The following GNA14 variants were observed in gnomAD, a reference collection of about 807,000 sequenced individuals.
The protein encoded by GNA14 is guanine nucleotide-binding protein subunit alpha-14.
A neutral mutation model predicts 42.0 loss-of-function variants in GNA14; 50 were observed. The observed-to-expected ratio is 1.19, with a 90% CI of 0.95 to 1.51. The LOEUF is 1.51. GNA14 is among the 40% of genes most tolerant of loss of function. The pLI, the probability that GNA14 is intolerant of heterozygous loss-of-function variation, is 0.00. For missense variants in GNA14, 473 were observed against 446.2 expected, an observed-to-expected ratio of 1.06 and a Z score of -0.54; for synonymous variants, 173 against 163.1, an observed-to-expected ratio of 1.06 and a Z score of -0.46.
chr9:77,426,060 C>G lies in GNA14; in HGVS notation c.724-345G>C, dbSNP rs541950411. Among the ~76,000 whole-genome samples the G allele has an allele frequency of 6.6e-5, 10 of 152,306 alleles. No individual in the cohort carries two copies. In the East Asian group the frequency reaches 1.9e-3, roughly 29 times the overall value. ...TCACAAGTTTCCTGTGTCATGTGAT[C>G]GTTGGGATTACTAAGTGGGGAAGTG... On this transcript the variant is annotated intron_variant, in intron 5 of 6. Coordinates refer to ENST00000341700, the MANE Select transcript of GNA14 (RefSeq NM_004297.4).
At chr9:77,623,984 A>G (rs1008344448) in intron 1 of GNA14, among the ~76,000 whole-genome samples, 1 of 152,114 alleles carries the variant, frequency 6.6e-6, no homozygotes, top group African/African-American at 2.4e-5. Flanking sequence ...AGAGGATCCC[A>G]CCCTCATGGG....
chr9:77,446,986 C>T (rs537067378), intron 2 of GNA14, among the ~76,000 whole-genome samples: 7 of 149,140 alleles, frequency 4.7e-5, no homozygotes, highest in South Asian at 2.1e-4. Flanking sequence ...TTTTTTGAGA[C>T]GGAGTTTCAT....
In GNA14 at chr9:77,535,976, G is replaced by A. The variant is rs138013151; in HGVS notation, c.125-6723C>T. ...CTGGAGCTCTGTTTTTCAATTTCCG[G>A]GGGAAAACATTTTTAAAGTGCCGAT... On this transcript the variant is annotated intron_variant, in intron 1 of 6. Coordinates refer to ENST00000341700, the MANE Select transcript of GNA14 (RefSeq NM_004297.4). 7.0e-3 allele frequency among the ~76,000 whole-genome samples: 1,058 copies of A among 151,800 alleles called. 20 individuals carry two copies. The highest frequency in any genetic ancestry group is 0.024 in the African/African-American group (998 of 41,382).
chr9:77,431,023 TTTGTGTGTGTG>T (rs547404743), intron 4 of GNA14, among the ~76,000 whole-genome samples: 4,293 of 111,578 alleles, frequency 0.038, 76 homozygotes, highest in Middle Eastern at 0.059. Context: ...GAAGTATACA[TTTGTGTGTGTG>T]TGTGTGTGTG....
intron 1 of GNA14, among the ~76,000 whole-genome samples, chr9:77,570,144 G>A (rs916962348): frequency 2.0e-5 from 3 of 152,112 alleles, no homozygotes; most frequent in East Asian, 1.9e-4. Context: ...TTTGTTGGAG[G>A]AAGTTAACTT....
intron 4 of GNA14, among the ~76,000 whole-genome samples, chr9:77,431,024 T>TGTGTG (rs1554686110): frequency 0.032 from 3,263 of 101,470 alleles, 85 homozygotes; most frequent in African/African-American, 0.092. Context: ...AAGTATACAT[T>TGTGTG]TGTGTGTGTG....
chr9:77,493,003 G>A (rs199586980), intron 2 of GNA14, among the ~76,000 whole-genome samples: 8,466 of 39,920 alleles, frequency 0.21, 1,259 homozygotes, highest in East Asian at 0.51. Flanking sequence ...TCCGTCTCAG[G>A]AAAAAAAAAA....
intron 1 of GNA14, among the ~76,000 whole-genome samples, chr9:77,633,747 C>A (rs1352218677): frequency 2.0e-5 from 3 of 152,120 alleles, no homozygotes; most frequent in Non-Finnish European, 2.9e-5. Flanking sequence ...GATTAAGAAC[C>A]AAGGCTCTGG....
intron 1 of GNA14, among the ~76,000 whole-genome samples, chr9:77,538,130 G>T (rs559511827): frequency 5.9e-5 from 9 of 151,296 alleles, no homozygotes; most frequent in African/African-American, 1.9e-4. Flanking sequence ...GAGTGCAGAG[G>T]TACAATCTTA....
chr9:77,622,893 CAAA>C (rs1184648958), intron 1 of GNA14, among the ~76,000 whole-genome samples: 4 of 77,644 alleles, frequency 5.2e-5, no homozygotes, highest in Admixed American at 1.5e-4. Flanking sequence ...GACTCTGTCT[CAAA>C]AAAAAAAAAA....
chr9:77,558,113 A>G (rs1391964900), intron 1 of GNA14, among the ~76,000 whole-genome samples: 9 of 152,236 alleles, frequency 5.9e-5, no homozygotes, highest in African/African-American at 1.9e-4. Flanking sequence ...AAGACAATAG[A>G]GGATATTTAA....
At chr9:77,467,523 T>A (rs1377965822) in intron 2 of GNA14, among the ~76,000 whole-genome samples, 1 of 150,776 alleles carries the variant, frequency 6.6e-6, no homozygotes, top group Non-Finnish European at 1.5e-5. Context: ...ACTAGATTCA[T>A]GGAGCTACCA....
At chr9:77,514,777 C>G (rs1346137473) in intron 2 of GNA14, among the ~76,000 whole-genome samples, 1 of 151,972 alleles carries the variant, frequency 6.6e-6, no homozygotes, top group Non-Finnish European at 1.5e-5. Context: ...CCACGCCCGG[C>G]TAATTTTTTG....
At chr9:77,522,838 T>C (rs570590718) in intron 2 of GNA14, among the ~76,000 whole-genome samples, 1 of 152,182 alleles carries the variant, frequency 6.6e-6, no homozygotes, top group Admixed American at 6.5e-5. Flanking sequence ...AACCCAGCAG[T>C]AGGAAGAGGA....
chr9:77,463,609 T>G (rs145349882), intron 2 of GNA14, among the ~76,000 whole-genome samples: 1 of 152,372 alleles, frequency 6.6e-6, no homozygotes, highest in African/African-American at 2.4e-5. Flanking sequence ...TAAGTGTTTT[T>G]GTTTCTTCAG....
intron 2 of GNA14, among the ~76,000 whole-genome samples, chr9:77,462,798 T>C (rs1046996577): frequency 7.3e-4 from 111 of 152,022 alleles, no homozygotes; most frequent in Non-Finnish European, 1.1e-3. Context: ...CTCTGTCATC[T>C]CCCTCACCAC....
rs879930301 is a variant in GNA14 at position 77,638,459 on chromosome 9, C to T, written c.124+9211G>A. Among the ~76,000 whole-genome samples, 9 of 151,918 alleles carry T rather than the reference C, an allele frequency of 5.9e-5. 1 individual carries two copies. The South Asian group carries it at 6.2e-4, about 11-fold the overall frequency. The stretch of plus-strand genomic sequence containing the variant: ...CAAGAGATGAACTTTTGAGCTGAGA[C>T]GTGAAGATAAGGAAGAAACAGCCAT... On this transcript the variant is annotated intron_variant, in intron 1 of 6. Transcript: ENST00000341700.
chr9:77,546,349 T>C (rs1837720521), intron 1 of GNA14, among the ~76,000 whole-genome samples: 1 of 152,044 alleles, frequency 6.6e-6, no homozygotes, highest in Non-Finnish European at 1.5e-5. Flanking sequence ...ACCCTCCCCT[T>C]GTAAATCTCC....
chr9:77,428,886 C>T (rs770950377), intron 5 of GNA14, 21 bp downstream of exon 5: 4 of 1,610,734 alleles, frequency 2.5e-6, no homozygotes, highest in Non-Finnish European at 3.4e-6. Context: ...CACAGCTACC[C>T]AAACTTCCCG....
Sources: allele counts gnomAD v4.1 joint callset (sites outside exome capture counted in the v4.1 genomes callset), GRCh38; gene constraint gnomAD v4.1.1; transcripts MANE v1.5; gene names NCBI Gene and HGNC (gene_info 2026-07-23, HGNC 2026-07-21).